ADAMTS9: variants seen among roughly 807,000 people sequenced by gnomAD.
ADAMTS9 encodes A disintegrin and metalloproteinase with thrombospondin motifs 9.
ADAMTS9 carries 107 observed loss-of-function variants against 257.1 expected under a neutral mutation model. The ratio of observed to expected loss-of-function variants is 0.42; its 90% CI spans 0.36 to 0.49. The LOEUF is 0.49. Among genes scored for constraint, ADAMTS9 ranks in the 20% least tolerant of loss-of-function variants. The pLI, the probability that ADAMTS9 is intolerant of heterozygous loss-of-function variation, is 0.03. For missense variants in ADAMTS9, 2,353 were observed against 2,469.1 expected, an observed-to-expected ratio of 0.95 and a Z score of 1.00; for synonymous variants, 982 against 880.9, an observed-to-expected ratio of 1.11 and a Z score of -2.03.
At chr3:64,569,456 A>T (rs57211630) in intron 28 of ADAMTS9, among the ~76,000 whole-genome samples, 25,137 of 152,158 alleles carry the variant, frequency 0.17, 3,237 homozygotes, top group African/African-American at 0.34. Flanking sequence ...GAAGAACAAA[A>T]TGTGAAAACG....
At chr3:64,531,627 C>T (rs2082982622) in intron 38 of ADAMTS9, among the ~76,000 whole-genome samples, 2 of 152,142 alleles carry the variant, frequency 1.3e-5, no homozygotes, top group Admixed American at 1.3e-4. Context: ...CCACCATGCC[C>T]AGCTAATTTT....
In ADAMTS9 at chr3:64,602,217, G is replaced by C. The variant is rs1348959117; in HGVS notation, c.3748-4C>G. On this transcript the variant is annotated splice_region_variant and splice_polypyrimidine_tract_variant and intron_variant, in intron 25 of 39. Coordinates refer to ENST00000498707, the MANE Select transcript of ADAMTS9 (RefSeq NM_182920.2). ...CTTGCCCACAGGTCACAGAGCACTAGGTTGAATGTTCAGAAAGAGAAAGGG... is the reference window on the plus strand; with the variant it reads ...CTTGCCCACAGGTCACAGAGCACTACGTTGAATGTTCAGAAAGAGAAAGGG... The C allele has an allele frequency of 1.2e-6, 2 of 1,612,836 alleles. No individual in the cohort carries two copies. The highest frequency in any genetic ancestry group is 1.7e-6 in the Non-Finnish European group (2 of 1,179,454).
chr3:64,523,599 T>C (rs866712936), intron 38 of ADAMTS9, among the ~76,000 whole-genome samples: 2 of 152,186 alleles, frequency 1.3e-5, no homozygotes, highest in South Asian at 4.1e-4. Context: ...TGCGAAACTG[T>C]TAGATGTTTA....
chr3:64,615,585 C>A, intron 20 of ADAMTS9, 100 bp from the exon 21 acceptor site: 1 of 1,253,690 alleles, frequency 8.0e-7, no homozygotes, highest in Non-Finnish European at 1.1e-6. Context: ...TAAGAAACAA[C>A]ACACAAGCTG....
chr3:64,588,754 G>A lies in ADAMTS9; in HGVS notation c.4356+5504C>T, dbSNP rs554047374. On this transcript the variant is annotated intron_variant, in intron 28 of 39. Transcript: ENST00000498707. ...AAGCTACCACAAAATAGCATCAGAA[G>A]GCAGGATCAGTCTTTCATAGGCATA... 12 of 152,236 alleles carry A rather than the reference G, an allele frequency of 7.9e-5. No homozygotes were observed. The East Asian group carries it at 2.3e-3, about 29-fold the overall frequency. 9.4% of individuals were successfully genotyped at this position (152,236 alleles called of 1,614,324 possible).
At chr3:64,640,490 G>A (rs1700610550) in intron 12 of ADAMTS9, among the ~76,000 whole-genome samples, 1 of 152,102 alleles carries the variant, frequency 6.6e-6, no homozygotes, top group Non-Finnish European at 1.5e-5. Flanking sequence ...TACTTCACCT[G>A]TTTGCTTCTC....
chr3:64,584,912 A>G (rs2106760391), intron 28 of ADAMTS9, among the ~76,000 whole-genome samples: 1 of 152,194 alleles, frequency 6.6e-6, no homozygotes, highest in East Asian at 1.9e-4. Flanking sequence ...TCAGGATATC[A>G]TCATTATTAA....
rs750312896 is a variant in ADAMTS9 at position 64,633,734 on chromosome 3, G to A, written c.2002C>T (p.Leu668Phe). Residue 668 changes from leucine to phenylalanine, a missense_variant, in exon 13 of 40, where the codon CTT becomes TTT. Leu to Phe is a conservative substitution (Grantham distance 22). This residue lies in a region of ADAMTS9 where 360 missense variants were observed against 458.1 expected (regional missense o/e 0.79). Coordinates refer to ENST00000498707, the MANE Select transcript of ADAMTS9 (RefSeq NM_182920.2). ...TTAGGGACCCAGCGCACATTGGGAA[G>A]CAGACCGTTGATGTTAAAATGCTTC... Reference protein sequence around the residue: ...DGKHFNINGLLPNVRWVPKYS... With the variant: ...DGKHFNINGLFPNVRWVPKYS... The A allele has an allele frequency of 6.2e-7, 1 of 1,613,638 alleles. No homozygotes were observed. The highest frequency in any genetic ancestry group is 1.3e-5 in the African/African-American group (1 of 74,810).
chr3:64,533,283 A>G lies in ADAMTS9; in HGVS notation c.5614-13T>C. The G allele has an allele frequency of 6.2e-7, 1 of 1,609,276 alleles. No homozygotes were observed. The highest frequency in any genetic ancestry group is 8.5e-7 in the Non-Finnish European group (1 of 1,175,646). On this transcript the variant is annotated splice_polypyrimidine_tract_variant and intron_variant, in intron 37 of 39. Transcript: ENST00000498707. ...TGCTAAAACGACCCTGGAAAACACG[A>G]CCAACAAAAGAGATTTTCAGTCCAT...
rs2084469090 is a variant in ADAMTS9, at chr3:64,601,913, G to C, written c.4017+31C>G. 8 of 1,555,278 alleles carry C rather than the reference G, an allele frequency of 5.1e-6. No individual in the cohort carries two copies. The East Asian group carries it at 1.8e-4, about 35-fold the overall frequency. On this transcript the variant is annotated intron_variant, in intron 26 of 39. Transcript: ENST00000498707. The stretch of plus-strand genomic sequence containing the variant: ...ACCCTAAACCCAACCTCAAGTGAAA[G>C]AGAAGCAAGCAAACTTCAGGGAATA...
At chr3:64,569,516 C>T (rs1474417046) in intron 28 of ADAMTS9, among the ~76,000 whole-genome samples, 2 of 152,282 alleles carry the variant, frequency 1.3e-5, no homozygotes, top group East Asian at 3.9e-4. Context: ...ATATTTATTT[C>T]CCCCACTAAC....
In ADAMTS9 at chr3:64,631,872, C is replaced by T. The variant is rs758932809; in HGVS notation, c.2229G>A (p.Gly743=). Residue 743 remains glycine, a synonymous_variant, in exon 15 of 40, where the codon GGG becomes GGA. Transcript: ENST00000498707. ...ATGAAGAATTATCGCCACCACAAAC[C>T]CCACATTTATCTCTCCGGGCTTTTG... ...LNSKARRDKC[G]VCGGDNSSCK... 2.5e-6 allele frequency: 4 copies of T among 1,613,880 alleles called. No homozygotes were observed. Among genetic ancestry groups the T allele is most frequent in the Non-Finnish European group, 2.5e-6 (3 of 1,179,960 alleles).
intron 3 of ADAMTS9, among the ~76,000 whole-genome samples, chr3:64,664,054 A>G (rs1370106051): frequency 6.6e-6 from 1 of 152,142 alleles, no homozygotes; most frequent in Non-Finnish European, 1.5e-5. Flanking sequence ...ACAGAAAGTG[A>G]TCCACATTTC....
At chr3:64,670,054 T>C (rs1027392686) in intron 3 of ADAMTS9, among the ~76,000 whole-genome samples, 3 of 152,158 alleles carry the variant, frequency 2.0e-5, no homozygotes, top group African/African-American at 7.2e-5. Flanking sequence ...ATATATTCTA[T>C]CCCTCTTCAG....
At chr3:64,563,276 GA>G (rs1437709876) in intron 29 of ADAMTS9, 1 of 152,108 alleles carries the variant, frequency 6.6e-6, no homozygotes, top group Non-Finnish European at 1.5e-5. Context: ...CCCCATAAAT[GA>G]TGGACATGTT....
chr3:64,603,052 A>G (rs1316642404), intron 25 of ADAMTS9, among the ~76,000 whole-genome samples: 3 of 152,216 alleles, frequency 2.0e-5, no homozygotes, highest in Non-Finnish European at 4.4e-5. Context: ...GAGTGAGATT[A>G]TCTACTATTT....
chr3:64,680,374 G>T (rs115136025), intron 3 of ADAMTS9, among the ~76,000 whole-genome samples: 4 of 152,046 alleles, frequency 2.6e-5, no homozygotes, highest in Non-Finnish European at 5.9e-5. Context: ...TTTTTTTTAA[G>T]TATTTTCACG....
intron 3 of ADAMTS9, among the ~76,000 whole-genome samples, chr3:64,661,732 G>A (rs558570475): frequency 6.6e-6 from 1 of 152,184 alleles, no homozygotes; most frequent in South Asian, 2.1e-4. Context: ...TTTACAACAG[G>A]TGTATGGAAG....
chr3:64,575,880 T>C (rs1176086157), intron 28 of ADAMTS9, among the ~76,000 whole-genome samples: 1 of 152,210 alleles, frequency 6.6e-6, no homozygotes, highest in African/African-American at 2.4e-5. Flanking sequence ...TTCTATTCAG[T>C]GGACCCTTTT....
Sources: allele counts gnomAD v4.1 joint callset (sites outside exome capture counted in the v4.1 genomes callset), GRCh38; gene constraint gnomAD v4.1.1; regional missense constraint gnomAD v4.1.1; transcripts MANE v1.5; gene names NCBI Gene and HGNC (gene_info 2026-07-23, HGNC 2026-07-21).